Variants in VEZF1 observed in about 807,000 individuals in gnomAD.
VEZF1 encodes the protein putative transcription factor DB1.
Under a neutral mutation model 44.1 loss-of-function variants are expected in VEZF1, and 5 were observed. The observed-to-expected ratio is 0.11, with a 90% CI of 0.06 to 0.24. The LOEUF is 0.24. VEZF1 is among the 10% of genes least tolerant of loss of function. The pLI is 1.00. For missense variants in VEZF1, 358 were observed against 641.8 expected, an observed-to-expected ratio of 0.56 and a Z score of 4.78; for synonymous variants, 236 against 233.1, an observed-to-expected ratio of 1.01 and a Z score of -0.11.
rs199866540 is a variant in VEZF1 at position 57,974,819 on chromosome 17, A to C, written c.1220T>G (p.Val407Gly). ...LTTPFSITSS[V>G]SSGTMSNPVT... ...TGGGTTTGACATAGTCCCAGACGAC[A>C]CAGAGGATGTTATACTGAATGGAGT... Residue 407 changes from valine (V) to glycine (G), a missense_variant, in exon 6 of 6, where the codon GTG becomes GGG. Val to Gly is a moderately radical substitution (Grantham distance 109, BLOSUM62 -3). Transcript: ENST00000581208. 1 of 1,614,074 alleles carries C rather than the reference A, an allele frequency of 6.2e-7. No individual in the cohort carries two copies. The highest frequency in any genetic ancestry group is 1.7e-5 in the Admixed American group (1 of 59,992).
Position 57,972,305 on chromosome 17 carries a change from G to C in VEZF1, c.*2168C>G, listed in dbSNP as rs1158295689. On this transcript the variant is annotated 3_prime_UTR_variant, in exon 6 of 6. Coordinates refer to ENST00000581208, the MANE Select transcript of VEZF1 (RefSeq NM_007146.3). ...ACTGTGGAGGAAGCCTGGGCTGTCT[G>C]AATTGTGAATTATGACTGCCAGCCC... is the stretch of plus-strand genomic sequence containing the variant. The C allele has an allele frequency of 6.6e-6, 1 of 152,192 alleles. No individual in the cohort carries two copies. Among genetic ancestry groups the C allele is most frequent in the Non-Finnish European group, 1.5e-5 (1 of 68,038 alleles). 9.4% of individuals were successfully genotyped at this position (152,192 alleles called of 1,614,324 possible).
At chr17:57,975,277 T>C (rs563404805) in intron 5 of VEZF1, among the ~76,000 whole-genome samples, 2 of 152,352 alleles carry the variant, frequency 1.3e-5, no homozygotes, top group Admixed American at 6.5e-5. Flanking sequence ...TTCTAAAAAC[T>C]TTCTTGGGAA....
Position 57,980,674 on chromosome 17 carries a change from G to C in VEZF1, c.905C>G (p.Thr302Ser), listed in dbSNP as rs1238175487. 3 of 1,614,054 alleles carry C rather than the reference G, an allele frequency of 1.9e-6. No homozygotes were observed. The East Asian group carries it at 6.7e-5, about 36-fold the overall frequency. ...CTGCCCATGAGTCTTTAAGTGGCTG[G>C]TGATGTATGCTGCACTCAGGAGCTT... is the stretch of plus-strand genomic sequence containing the variant. ...CGKLLSAAYI[T>S]SHLKTHGQSQ... Residue 302 changes from threonine to serine, a missense_variant, in exon 4 of 6, where the codon ACC (threonine) becomes AGC (serine). Thr to Ser is a moderately conservative substitution (Grantham distance 58). This residue lies in a region of VEZF1 where 171 missense variants were observed against 272.4 expected (regional missense o/e 0.63). Transcript: ENST00000581208.
intron 4 of VEZF1, among the ~76,000 whole-genome samples, chr17:57,979,924 C>T (rs183920321): frequency 9.8e-5 from 14 of 142,362 alleles, no homozygotes; most frequent in Non-Finnish European, 7.5e-5. Flanking sequence ...GAGCCGAGAT[C>T]GTGCCATTGC....
chr17:57,987,171 CTTTG>C (rs1057356725), intron 1 of VEZF1, among the ~76,000 whole-genome samples: 12 of 152,168 alleles, frequency 7.9e-5, no homozygotes, highest in African/African-American at 2.9e-4. Flanking sequence ...TGTAAGCGGA[CTTTG>C]TTTGCTCTCT....
Position 57,972,013 on chromosome 17 carries a change from C to G in VEZF1, c.*2460G>C, listed in dbSNP as rs775979461. On this transcript the variant is annotated 3_prime_UTR_variant, in exon 6 of 6. Coordinates refer to ENST00000581208, the MANE Select transcript of VEZF1 (RefSeq NM_007146.3). ...CCAAAACCCCCTCCTGCCATCGACTCTCTCCCTCCCAAAAGAAGACATGAC... is the reference window on the plus strand; with the variant it reads ...CCAAAACCCCCTCCTGCCATCGACTGTCTCCCTCCCAAAAGAAGACATGAC... The G allele has an allele frequency of 1.3e-5, 2 of 152,574 alleles. No homozygotes were observed. Among genetic ancestry groups the G allele is most frequent in the Non-Finnish European group, 2.9e-5 (2 of 68,026 alleles). The allele number at this position is 152,574 out of a possible 1,614,324, so 9.5% of individuals were successfully genotyped here. A position where few individuals can be genotyped will look rare whatever the true frequency, so the allele number is the denominator to read the frequency against.
chr17:57,985,121 T>C (rs1040542977), intron 1 of VEZF1: 54 of 514,282 alleles, frequency 1.1e-4, no homozygotes, highest in South Asian at 2.1e-4. Flanking sequence ...GCTGAAGATA[T>C]ACAATTTCAA....
chr17:57,981,185 C>T (rs1404418532), intron 3 of VEZF1, among the ~76,000 whole-genome samples: 1 of 152,204 alleles, frequency 6.6e-6, no homozygotes, highest in East Asian at 1.9e-4. Context: ...GTATACACAG[C>T]AGGCACTCAC....
chr17:57,975,030 C>T (rs938858662), intron 5 of VEZF1, 130 bp from the exon 6 acceptor site: 12 of 1,085,032 alleles, frequency 1.1e-5, no homozygotes, highest in East Asian at 2.6e-5. Context: ...TTCTATCAAG[C>T]GGTCAACAGA....
chr17:57,980,574 A>C, intron 4 of VEZF1, 29 bp downstream of exon 4: 1 of 1,600,472 alleles, frequency 6.2e-7, no homozygotes, highest in Non-Finnish European at 8.5e-7. Context: ...CTGAAATATA[A>C]AAGAAAGAAA....
rs2075136660 is a variant in VEZF1 at position 57,971,598 on chromosome 17, T to C, written c.*2875A>G. On this transcript the variant is annotated 3_prime_UTR_variant, in exon 6 of 6. Coordinates refer to ENST00000581208, the MANE Select transcript of VEZF1 (RefSeq NM_007146.3). ...TTTTCAAAATAAATCTGCAGTATTTTGCATGTTAGTAATACAGTGCTGGTA... is the reference window on the plus strand; with the variant it reads ...TTTTCAAAATAAATCTGCAGTATTTCGCATGTTAGTAATACAGTGCTGGTA... 2.0e-5 allele frequency: 3 copies of C among 152,608 alleles called. No homozygotes were observed. The highest frequency in any genetic ancestry group is 1.3e-4 in the Admixed American group (2 of 15,288). 9.5% of individuals were successfully genotyped at this position (152,608 alleles called of 1,614,324 possible).
In VEZF1 at chr17:57,972,669, T is replaced by G. The variant is rs1479809277; in HGVS notation, c.*1804A>C. On this transcript the variant is annotated 3_prime_UTR_variant, in exon 6 of 6. Transcript: ENST00000581208. ...TTATAACAAACATATACATTAAAAG[T>G]GTAGGAATGTGTTGCCTTCCTGCTA... is the stretch of plus-strand genomic sequence containing the variant. 6.6e-6 allele frequency: 1 copy of G among 152,620 alleles called. No homozygotes were observed. Among genetic ancestry groups the G allele is most frequent in the Non-Finnish European group, 1.5e-5 (1 of 68,044 alleles). The allele number at this position is 152,620 out of a possible 1,614,324, so 9.5% of individuals were successfully genotyped here. A position where few individuals can be genotyped will look rare whatever the true frequency, so the allele number is the denominator to read the frequency against.
At chr17:57,980,876 A>C in intron 3 of VEZF1, 90 bp from the exon 4 acceptor site, 1 of 1,289,754 alleles carries the variant, frequency 7.8e-7, no homozygotes, top group South Asian at 1.4e-5. Flanking sequence ...TACCCTATCC[A>C]CATCAGCAAG....
intron 2 of VEZF1, 82 bp from the exon 3 acceptor site, chr17:57,982,018 G>A (rs897941456): frequency 8.9e-6 from 13 of 1,460,578 alleles, no homozygotes; most frequent in Non-Finnish European, 1.1e-5. Context: ...ATGCTTGGCA[G>A]ATTGGGAAGG....
Position 57,983,142 on chromosome 17 carries a change from G to A in VEZF1, c.285C>T (p.Cys95=). ...GGGACACCAACTTGATCCCTGTGTG[G>A]CAGGATTCGTGGCGCCTCAGGTGAT... ...DSYHLRRHES[C]HTGIKLVSRP... Residue 95 remains cysteine (C), a synonymous_variant, in exon 2 of 6, where the codon TGC becomes TGT. Transcript: ENST00000581208. 6.2e-7 allele frequency: 1 copy of A among 1,614,174 alleles called. No homozygotes were observed. The highest frequency in any genetic ancestry group is 8.5e-7 in the Non-Finnish European group (1 of 1,180,020).
chr17:57,975,628 C>T (rs1215222446), intron 5 of VEZF1, among the ~76,000 whole-genome samples: 2 of 152,198 alleles, frequency 1.3e-5, no homozygotes, highest in Admixed American at 6.5e-5. Context: ...TTCATGTTCT[C>T]CTCACTCCCA....
rs1253233876 is a variant in VEZF1 at position 57,974,158 on chromosome 17, T to C, written c.*315A>G. The C allele has an allele frequency of 6.2e-6, 2 of 324,770 alleles. No homozygotes were observed. Among genetic ancestry groups the C allele is most frequent in the Admixed American group, 4.4e-5 (1 of 22,524 alleles). The allele number at this position is 324,770 out of a possible 1,614,324, so 20.1% of individuals were successfully genotyped here. On this transcript the variant is annotated 3_prime_UTR_variant, in exon 6 of 6. Coordinates refer to ENST00000581208, the MANE Select transcript of VEZF1 (RefSeq NM_007146.3). Reference sequence around the variant, plus strand: ...TTGGGATTAGAAATAGTAATGCTGTTTTTTTATTTTGAAGTGGGTTCTACT... The same window carrying C: ...TTGGGATTAGAAATAGTAATGCTGTCTTTTTATTTTGAAGTGGGTTCTACT...
rs2075243291 is a variant in VEZF1, at chr17:57,980,856, T to G, written c.793-70A>C. ...TCTACTCATTTTGAAGTACGTTATA[T>G]TCTGTGCATTACCCTATCCACATCA... On this transcript the variant is annotated intron_variant, in intron 3 of 5. Transcript: ENST00000581208. 8 of 1,490,342 alleles carry G rather than the reference T, an allele frequency of 5.4e-6. No individual in the cohort carries two copies. In the Admixed American group the frequency reaches 1.5e-4, roughly 28 times the overall value. The allele number at this position is 1,490,342 out of a possible 1,614,324, so 92.3% of individuals were successfully genotyped here.
intron 1 of VEZF1, among the ~76,000 whole-genome samples, chr17:57,985,079 T>C (rs67275307): frequency 0.072 from 10,971 of 152,262 alleles, 459 homozygotes; most frequent in African/African-American, 0.11. Context: ...CTCGTTTCCA[T>C]ACAGTATACA....
Sources: allele counts gnomAD v4.1 joint callset (sites outside exome capture counted in the v4.1 genomes callset), GRCh38; gene constraint gnomAD v4.1.1; regional missense constraint gnomAD v4.1.1; transcripts MANE v1.5; gene names NCBI Gene and HGNC (gene_info 2026-07-23, HGNC 2026-07-21).